PDE3A: variants seen among roughly 807,000 people sequenced by gnomAD.
PDE3A encodes phosphodiesterase 3A.
In PDE3A, 43 loss-of-function variants were observed where a neutral mutation model predicts 98.3. The observed-to-expected ratio is 0.44, with a 90% CI of 0.34 to 0.56. The LOEUF (loss-of-function observed/expected upper bound fraction) is 0.56. PDE3A is among the 20% of genes least tolerant of loss of function. The pLI, the probability that PDE3A is intolerant of heterozygous loss-of-function variation, is 0.01. For synonymous variants in PDE3A, 663 were observed against 567.9 expected (o/e 1.17, Z -2.38); for missense variants, 1,427 against 1,440.7 (o/e 0.99, Z 0.15).
chr12:20,614,809 C>CAT (rs1376644170), intron 3 of PDE3A, among the ~76,000 whole-genome samples: 2 of 152,202 alleles, frequency 1.3e-5, no homozygotes, highest in East Asian at 1.9e-4. Flanking sequence ...CCCAAGGTGA[C>CAT]ATATAATTCA....
At chr12:20,475,145 A>G (rs1945506371) in intron 1 of PDE3A, among the ~76,000 whole-genome samples, 1 of 150,354 alleles carries the variant, frequency 6.7e-6, no homozygotes, top group Admixed American at 6.7e-5. Context: ...TCTATCACTT[A>G]TACCAAATGT....
chr12:20,473,965 A>G (rs536413117), intron 1 of PDE3A, among the ~76,000 whole-genome samples: 1 of 152,188 alleles, frequency 6.6e-6, no homozygotes, highest in East Asian at 1.9e-4. Flanking sequence ...CTTTTAGTGC[A>G]CATGTACAAG....
chr12:20,567,976 T>C (rs547081784), intron 2 of PDE3A, among the ~76,000 whole-genome samples: 1 of 152,144 alleles, frequency 6.6e-6, no homozygotes, highest in South Asian at 2.1e-4. Flanking sequence ...CAAACTGATA[T>C]TTCCTTAAAA....
chr12:20,551,947 G>A, intron 1 of PDE3A: 1 of 1,613,044 alleles, frequency 6.2e-7, no homozygotes, highest in Non-Finnish European at 8.5e-7. Context: ...CAGCGAGTCG[G>A]GTGTCCATCG....
chr12:20,607,656 A>G (rs1330111861), intron 2 of PDE3A, among the ~76,000 whole-genome samples: 1 of 151,948 alleles, frequency 6.6e-6, no homozygotes, highest in Non-Finnish European at 1.5e-5. Flanking sequence ...AATGTTAAAT[A>G]TAAATATTTC....
chr12:20,512,054 A>G (rs187523225), intron 1 of PDE3A, among the ~76,000 whole-genome samples: 1 of 152,140 alleles, frequency 6.6e-6, no homozygotes. Flanking sequence ...ATTGTCAGTC[A>G]GGAGGAACCT....
chr12:20,578,453 G>A (rs948434169), intron 2 of PDE3A, among the ~76,000 whole-genome samples: 20 of 141,562 alleles, frequency 1.4e-4, no homozygotes, highest in African/African-American at 4.3e-4. Context: ...TAAGTGTCAC[G>A]TTCTGGAGTA....
At chr12:20,635,327 G>A (rs953266676) in intron 8 of PDE3A, among the ~76,000 whole-genome samples, 1 of 152,162 alleles carries the variant, frequency 6.6e-6, no homozygotes, top group African/African-American at 2.4e-5. Context: ...AGCACTTTGG[G>A]AGGCCAAGGC....
At chr12:20,545,847 T>G (rs1258149049) in intron 1 of PDE3A, among the ~76,000 whole-genome samples, 1 of 151,534 alleles carries the variant, frequency 6.6e-6, no homozygotes, top group African/African-American at 2.4e-5. Flanking sequence ...TGGAGAGATA[T>G]CGAATGGATA....
chr12:20,605,273 C>G (rs1296139947), intron 2 of PDE3A, among the ~76,000 whole-genome samples: 1 of 152,102 alleles, frequency 6.6e-6, no homozygotes, highest in African/African-American at 2.4e-5. Context: ...GGAAATTCCA[C>G]CAAATAGCCT....
intron 1 of PDE3A, among the ~76,000 whole-genome samples, chr12:20,417,706 C>A (rs563699685): frequency 2.0e-5 from 3 of 151,936 alleles, no homozygotes; most frequent in African/African-American, 7.3e-5. Flanking sequence ...CAGTGTTTTA[C>A]AGAGGAATAA....
intron 15 of PDE3A, among the ~76,000 whole-genome samples, chr12:20,672,186 G>C (rs1430368837): frequency 7.1e-6 from 1 of 140,838 alleles, no homozygotes; most frequent in African/African-American, 2.7e-5. Context: ...CACTGCTCAA[G>C]GAAATAAAAG....
intron 1 of PDE3A, among the ~76,000 whole-genome samples, chr12:20,431,515 T>C (rs983911439): frequency 6.6e-6 from 1 of 152,042 alleles, no homozygotes; most frequent in East Asian, 1.9e-4. Context: ...ATTTAAGTTA[T>C]TGTCAGGATT....
In PDE3A at chr12:20,395,195, C is replaced by G. The variant is rs142022139; in HGVS notation, c.960+24951C>G. ...GGTAAAATGATTAGTCTCTCTGAGA[C>G]AGAATGTCATTTATAAAATGTGGAT... is the stretch of plus-strand genomic sequence containing the variant. On this transcript the variant is annotated intron_variant, in intron 1 of 15. Transcript: ENST00000359062. Among the ~76,000 whole-genome samples, 4 of 152,024 alleles carry G rather than the reference C, an allele frequency of 2.6e-5. No homozygotes were observed. In the East Asian group the frequency reaches 5.8e-4, roughly 22 times the overall value.
At chr12:20,575,247 C>A (rs2121323228) in intron 2 of PDE3A, among the ~76,000 whole-genome samples, 1 of 151,336 alleles carries the variant, frequency 6.6e-6, no homozygotes, top group East Asian at 1.9e-4. Flanking sequence ...TTTTAATCGA[C>A]ATTCTTATTA....
intron 1 of PDE3A, among the ~76,000 whole-genome samples, chr12:20,438,890 A>G (rs1385915874): frequency 6.6e-6 from 1 of 151,730 alleles, no homozygotes; most frequent in East Asian, 1.9e-4. Context: ...CTCCCAGGTT[A>G]AAGCGATTCT....
chr12:20,591,987 G>A (rs1224688531), intron 2 of PDE3A, among the ~76,000 whole-genome samples: 5 of 152,152 alleles, frequency 3.3e-5, no homozygotes, highest in Non-Finnish European at 7.4e-5. Flanking sequence ...AAAGGGTTAA[G>A]TAAAATACAT....
chr12:20,462,104 A>T (rs1379253206), intron 1 of PDE3A, among the ~76,000 whole-genome samples: 1 of 152,144 alleles, frequency 6.6e-6, no homozygotes, highest in African/African-American at 2.4e-5. Context: ...TTTTAATTTT[A>T]GGTTGAAAAT....
intron 1 of PDE3A, among the ~76,000 whole-genome samples, chr12:20,445,546 G>A (rs1944939930): frequency 6.6e-6 from 1 of 152,106 alleles, no homozygotes; most frequent in African/African-American, 2.4e-5. Context: ...AATATGGGTG[G>A]CAGTGTCTTT....
Sources: allele counts gnomAD v4.1 joint callset (sites outside exome capture counted in the v4.1 genomes callset), GRCh38; gene constraint gnomAD v4.1.1; transcripts MANE v1.5; gene names NCBI Gene and HGNC (gene_info 2026-07-23, HGNC 2026-07-21).